Variants in GJB4 observed in about 807,000 individuals in gnomAD.
GJB4 encodes the protein gap junction beta-4 protein.
For synonymous variants in GJB4, 162 were observed against 158.1 expected, an observed-to-expected ratio of 1.02 and a Z score of -0.18; for missense variants, 371 against 363.8, an observed-to-expected ratio of 1.02 and a Z score of -0.16.
Position 34,761,063 on chromosome 1 carries a change from A to T in GJB4, c.-192A>T. 1 of 653,004 alleles carries T rather than the reference A, an allele frequency of 1.5e-6. No individual in the cohort carries two copies. Among genetic ancestry groups the T allele is most frequent in the South Asian group, 1.7e-5 (1 of 57,528 alleles). The allele number at this position is 653,004 out of a possible 1,614,324, so 40.5% of individuals were successfully genotyped here. On this transcript the variant is annotated 5_prime_UTR_variant, in exon 2 of 2. Transcript: ENST00000339480. The surrounding 1 kb of genome is among the most constrained non-coding windows in gnomAD (Gnocchi z 4.4). ...TCTTTGTGAAATGAGGACAGGGGCA[A>T]TCCCTACCCTACCAAGTCATTGGGA...
chr1:34,761,216 T>C lies in GJB4; in HGVS notation c.-39T>C. The C allele has an allele frequency of 6.2e-7, 1 of 1,609,636 alleles. No homozygotes were observed. Among genetic ancestry groups the C allele is most frequent in the Non-Finnish European group, 8.5e-7 (1 of 1,176,870 alleles). ...CCTGAGTGGGCAGGTAGCACCCAGG[T>C]ATAGACCTTCCACGTGCAGCACCCA... On this transcript the variant is annotated 5_prime_UTR_variant, in exon 2 of 2. Transcript: ENST00000339480. The surrounding 1 kb of genome is among the most constrained non-coding windows in gnomAD (Gnocchi z 4.4).
chr1:34,761,264 G>A lies in GJB4; in HGVS notation c.10G>A (p.Ala4Thr), dbSNP rs770486352. 9.9e-6 allele frequency: 16 copies of A among 1,614,034 alleles called. No homozygotes were observed. The highest frequency in any genetic ancestry group is 1.7e-5 in the Admixed American group (1 of 60,006). ...CCAGGACACAGCCAGCATGAACTGG[G>A]CATTTCTGCAGGGCCTGCTGAGTGG... MNW[A>T]FLQGLLSGVN... The change falls in exon 2 of 2, where the codon GCA becomes ACA. Residue 4 changes from alanine (A) to threonine (T), a missense_variant. Physicochemically the swap from Ala to Thr is moderately conservative, Grantham distance 58. Transcript: ENST00000339480. The surrounding 1 kb of genome is among the most constrained non-coding windows in gnomAD (Gnocchi z 4.4).
At position 34,761,945 on chromosome 1, in the gene GJB4, C is replaced by T; in HGVS notation, c.691C>T (p.Pro231Ser). 1 of 1,614,150 alleles carries T rather than the reference C, an allele frequency of 6.2e-7. No homozygotes were observed. Among genetic ancestry groups the T allele is most frequent in the Non-Finnish European group, 8.5e-7 (1 of 1,179,996 alleles). The change falls in exon 2 of 2, where the codon CCC (proline) becomes TCC (serine). Residue 231 changes from proline to serine, a missense_variant. Transcript: ENST00000339480. The surrounding 1 kb of genome is among the most constrained non-coding windows in gnomAD (Gnocchi z 4.4). Reference protein sequence around the residue: ...HRRPRCRECLPDTCPPYVLSQ... With the variant: ...HRRPRCRECLSDTCPPYVLSQ... ...GCGGCCTCGGTGCCGGGAATGCCTA[C>T]CCGATACGTGCCCACCATATGTCCT...
chr1:34,761,081 CA>C lies in GJB4; in HGVS notation c.-173del. ...AGGGGCAATCCCTACCCTACCAAGTCATTGGGAGTGAAGACATGATGACACG... is the reference window on the plus strand; with the variant it reads ...AGGGGCAATCCCTACCCTACCAAGTCTTGGGAGTGAAGACATGATGACACG... On this transcript the variant is annotated 5_prime_UTR_variant, in exon 2 of 2. An upstream open reading frame in the 5' UTR loses its in-frame stop. Coordinates refer to ENST00000339480, the MANE Select transcript of GJB4 (RefSeq NM_153212.3). This position sits in a 1 kb window ranked among gnomAD's most constrained non-coding sequence, Gnocchi z 4.4. 1 of 679,312 alleles carries C rather than the reference CA, an allele frequency of 1.5e-6. No homozygotes were observed. The highest frequency in any genetic ancestry group is 2.7e-6 in the Non-Finnish European group (1 of 376,522). 42.1% of individuals were successfully genotyped at this position (679,312 alleles called of 1,614,324 possible). A position where few individuals can be genotyped will look rare whatever the true frequency, so the allele number is the denominator to read the frequency against.
rs376640390 is a variant in GJB4, at chr1:34,762,060, C to T, written c.*5C>T. 1.0e-4 allele frequency: 162 copies of T among 1,608,632 alleles called. No individual in the cohort carries two copies. Among genetic ancestry groups the T allele is most frequent in the African/African-American group, 8.3e-4 (62 of 74,792 alleles). On this transcript the variant is annotated 3_prime_UTR_variant, in exon 2 of 2. Coordinates refer to ENST00000339480, the MANE Select transcript of GJB4 (RefSeq NM_153212.3). Reference sequence around the variant, plus strand: ...GATGCAGGTGGGTATCCATAACCTGCGAGATCAGCAGATAAGATCAACAGG... The same window carrying T: ...GATGCAGGTGGGTATCCATAACCTGTGAGATCAGCAGATAAGATCAACAGG...
At position 34,761,482 on chromosome 1, in the gene GJB4, C is replaced by G. The variant is rs138315535; in HGVS notation, c.228C>G (p.Leu76=). 4.8e-4 allele frequency: 779 copies of G among 1,614,200 alleles called. 1 individual carries two copies. The African/African-American group carries it at 7.5e-3, about 16-fold the overall frequency. Residue 76 remains leucine, a synonymous_variant, in exon 2 of 2, where the codon CTC becomes CTG. Coordinates refer to ENST00000339480, the MANE Select transcript of GJB4 (RefSeq NM_153212.3). This position sits in a 1 kb window ranked among gnomAD's most constrained non-coding sequence, Gnocchi z 4.4. ...DEFFPVSHVR[L]WALQLILVTC... is the part of the protein sequence containing the mutation. ...TCTTCCCCGTGTCCCACGTGCGCCT[C>G]TGGGCCCTACAGCTCATCCTGGTCA...
At position 34,761,991 on chromosome 1, in the gene GJB4, A is replaced by T; in HGVS notation, c.737A>T (p.Glu246Val). ...PYVLSQGGHPEDGNSVLMKAG... is the reference protein window; with the variant it reads ...PYVLSQGGHPVDGNSVLMKAG... ...GTCCTCTCCCAGGGAGGGCACCCTG[A>T]GGATGGGAACTCTGTCCTAATGAAG... The change falls in exon 2 of 2, where the codon GAG (glutamate) becomes GTG (valine). Residue 246 changes from glutamate (E) to valine (V), a missense_variant. Physicochemically the swap from Glu to Val is moderately radical, Grantham distance 121 (BLOSUM62 -2). Transcript: ENST00000339480. The surrounding 1 kb of genome is among the most constrained non-coding windows in gnomAD (Gnocchi z 4.4). The T allele has an allele frequency of 1.9e-6, 3 of 1,614,182 alleles. No homozygotes were observed. Among genetic ancestry groups the T allele is most frequent in the Non-Finnish European group, 2.5e-6 (3 of 1,180,002 alleles).
Position 34,761,569 on chromosome 1 carries a change from C to A in GJB4, c.315C>A (p.His105Gln). The change falls in exon 2 of 2, where the codon CAC (histidine) becomes CAA (glutamine). Residue 105 changes from histidine (H) to glutamine (Q), a missense_variant. By Grantham distance (24) the His-to-Gln change is conservative (BLOSUM62 0). Coordinates refer to ENST00000339480, the MANE Select transcript of GJB4 (RefSeq NM_153212.3). This position sits in a 1 kb window ranked among gnomAD's most constrained non-coding sequence, Gnocchi z 4.4. ...VAYREERERK[H>Q]HLKHGPNAPS... ...ACCGCGAGGAACGCGAGCGCAAGCA[C>A]CACCTGAAACACGGGCCCAATGCCC... 1 of 1,614,240 alleles carries A rather than the reference C, an allele frequency of 6.2e-7. No individual in the cohort carries two copies.
rs1338398027 is a variant in GJB4, at chr1:34,761,844, G to A, written c.590G>A (p.Cys197Tyr). 2 of 1,614,192 alleles carry A rather than the reference G, an allele frequency of 1.2e-6. No individual in the cohort carries two copies. The highest frequency in any genetic ancestry group is 8.5e-7 in the Non-Finnish European group (1 of 1,180,038). ...TYFMVTTAAI[C>Y]ILLNLSEVFY... ...TTCATGGTGACCACAGCTGCCATCT[G>A]CATCCTGCTCAACCTCAGTGAAGTC... Residue 197 changes from cysteine (C) to tyrosine (Y), a missense_variant, in exon 2 of 2, where the codon TGC becomes TAC. By Grantham distance (194) the Cys-to-Tyr change is radical. Transcript: ENST00000339480. This position sits in a 1 kb window ranked among gnomAD's most constrained non-coding sequence, Gnocchi z 4.4.
chr1:34,760,295 G>A (rs1639687414), intron 1 of GJB4, among the ~76,000 whole-genome samples: 1 of 152,094 alleles, frequency 6.6e-6, no homozygotes, highest in African/African-American at 2.4e-5. Context: ...GGGGACTCCA[G>A]ACAAGGGGGT....
chr1:34,761,779 T>TG lies in GJB4; in HGVS notation c.525_526insG (p.Tyr176ValfsTer29). On this transcript the variant is annotated frameshift_variant, in exon 2 of 2. Transcript: ENST00000339480. LOFTEE classifies it low-confidence loss of function (END_TRUNC). The surrounding 1 kb of genome is among the most constrained non-coding windows in gnomAD (Gnocchi z 4.4). Reference sequence around the variant, plus strand: ...AGCCTTGCCCCCACACTGTGGACTGTTACATCTCCCGGCCCACGGAGAAGA... The same window carrying TG: ...AGCCTTGCCCCCACACTGTGGACTGTGTACATCTCCCGGCCCACGGAGAAGA... The TG allele has an allele frequency of 3.1e-6, 5 of 1,614,124 alleles. No homozygotes were observed. The highest frequency in any genetic ancestry group is 3.4e-6 in the Non-Finnish European group (4 of 1,180,032).
Position 34,762,097 on chromosome 1 carries a change from T to G in GJB4, c.*42T>G. 1 of 1,549,072 alleles carries G rather than the reference T, an allele frequency of 6.5e-7. No individual in the cohort carries two copies. Among genetic ancestry groups the G allele is most frequent in the Admixed American group, 1.9e-5 (1 of 53,152 alleles). Reference sequence around the variant, plus strand: ...ATAAGATCAACAGGTCCCCCCCACATGAGGCCACCCAGGAAAAAAGGCAGG... The same window carrying G: ...ATAAGATCAACAGGTCCCCCCCACAGGAGGCCACCCAGGAAAAAAGGCAGG... On this transcript the variant is annotated 3_prime_UTR_variant, in exon 2 of 2. Coordinates refer to ENST00000339480, the MANE Select transcript of GJB4 (RefSeq NM_153212.3).
Position 34,761,770 on chromosome 1 carries a change from T to C in GJB4, c.516T>C (p.Thr172=), listed in dbSNP as rs111693060. Residue 172 remains threonine (T), a synonymous_variant, in exon 2 of 2, where the codon ACT becomes ACC. Coordinates refer to ENST00000339480, the MANE Select transcript of GJB4 (RefSeq NM_153212.3). This position sits in a 1 kb window ranked among gnomAD's most constrained non-coding sequence, Gnocchi z 4.4. ...GCTCCGTGGAGCCTTGCCCCCACAC[T>C]GTGGACTGTTACATCTCCCGGCCCA... is the stretch of plus-strand genomic sequence containing the variant. ...VACSVEPCPH[T]VDCYISRPTE... The C allele has an allele frequency of 8.4e-4, 1,358 of 1,614,118 alleles. 10 individuals are homozygous for C. The African/African-American group carries it at 0.016, about 19-fold the overall frequency.
At chr1:34,760,141 T>C (rs1402466560) in intron 1 of GJB4, among the ~76,000 whole-genome samples, 3 of 151,902 alleles carry the variant, frequency 2.0e-5, no homozygotes, top group African/African-American at 7.3e-5. Flanking sequence ...GACAGGTAAA[T>C]AGACCATTTG....
rs1639738597 is a variant in GJB4 at position 34,762,207 on chromosome 1, G to A, written c.*152G>A. On this transcript the variant is annotated 3_prime_UTR_variant, in exon 2 of 2. Transcript: ENST00000339480. ...GCTCGCCCAGGGGCCAATGTGGGAG[G>A]TTGGGGGTAGTTTGGTCCCTGGGTC... is the stretch of plus-strand genomic sequence containing the variant. 3.9e-6 allele frequency: 3 copies of A among 770,464 alleles called. No individual in the cohort carries two copies. The South Asian group carries it at 4.7e-5, about 12-fold the overall frequency. 47.7% of individuals were successfully genotyped at this position (770,464 alleles called of 1,614,324 possible).
chr1:34,759,970 G>A (rs991668336), intron 1 of GJB4, among the ~76,000 whole-genome samples, 182 bp downstream of exon 1: 26 of 152,206 alleles, frequency 1.7e-4, no homozygotes, highest in African/African-American at 5.5e-4. Flanking sequence ...CCTAAGGGAC[G>A]ACAGAAGATT....
Position 34,761,114 on chromosome 1 carries a change from GT to G in GJB4, c.-140del. The G allele has an allele frequency of 2.7e-6, 2 of 754,310 alleles. No homozygotes were observed. The highest frequency in any genetic ancestry group is 4.6e-6 in the Non-Finnish European group (2 of 430,486). 46.7% of individuals were successfully genotyped at this position (754,310 alleles called of 1,614,324 possible). A position where few individuals can be genotyped will look rare whatever the true frequency, so the allele number is the denominator to read the frequency against. ...GTGAAGACATGATGACACGGTGATT[GT>G]GAAAAGATTTTGTCAATCGCACCAG... On this transcript the variant is annotated 5_prime_UTR_variant, in exon 2 of 2. Transcript: ENST00000339480. The surrounding 1 kb of genome is among the most constrained non-coding windows in gnomAD (Gnocchi z 4.4).
rs1452614572 is a variant in GJB4, at chr1:34,762,095, C to A, written c.*40C>A. ...AGATAAGATCAACAGGTCCCCCCCA[C>A]ATGAGGCCACCCAGGAAAAAAGGCA... On this transcript the variant is annotated 3_prime_UTR_variant, in exon 2 of 2. Transcript: ENST00000339480. 6.5e-6 allele frequency: 10 copies of A among 1,549,130 alleles called. No homozygotes were observed. The South Asian group carries it at 9.3e-5, about 14-fold the overall frequency.
rs145285600 is a variant in GJB4, at chr1:34,761,508, C to G, written c.254C>G (p.Thr85Arg). The G allele has an allele frequency of 6.2e-7, 1 of 1,614,062 alleles. No individual in the cohort carries two copies. The highest frequency in any genetic ancestry group is 8.5e-7 in the Non-Finnish European group (1 of 1,180,038). Residue 85 changes from threonine to arginine, a missense_variant, in exon 2 of 2, where the codon ACG (threonine) becomes AGG (arginine). Thr to Arg is a moderately conservative substitution (Grantham distance 71). Coordinates refer to ENST00000339480, the MANE Select transcript of GJB4 (RefSeq NM_153212.3). The surrounding 1 kb of genome is among the most constrained non-coding windows in gnomAD (Gnocchi z 4.4). ...RLWALQLILV[T>R]CPSLLVVMHV... ...TGGGCCCTACAGCTCATCCTGGTCA[C>G]GTGCCCCTCACTGCTCGTGGTCATG...
Sources: allele counts gnomAD v4.1 joint callset (sites outside exome capture counted in the v4.1 genomes callset), GRCh38; gene constraint gnomAD v4.1.1; non-coding constraint Gnocchi (gnomAD v3.1); transcripts MANE v1.5; gene names NCBI Gene and HGNC (gene_info 2026-07-23, HGNC 2026-07-21).